The following GLI1 variants were observed in gnomAD, a reference collection of about 807,000 sequenced individuals.
The protein encoded by GLI1 is transcription activator GLI1.
A neutral mutation model predicts 87.8 loss-of-function variants in GLI1; 51 were observed. The ratio of observed to expected loss-of-function variants is 0.58; its 90% CI spans 0.46 to 0.73. The LOEUF is 0.73. Ranked by LOEUF, GLI1 falls within the 30% of genes least tolerant of loss-of-function variation. The probability of loss-of-function intolerance (pLI) is 0.00; values close to 1 mark genes in which losing one functional copy is unlikely to be tolerated. For synonymous variants in GLI1, 528 were observed against 558.2 expected (o/e 0.95, Z 0.76); for missense variants, 1,292 against 1,437.2 (o/e 0.90, Z 1.63).
intron 1 of GLI1, among the ~76,000 whole-genome samples, chr12:57,460,977 C>G (rs866758380): frequency 9.2e-5 from 14 of 152,152 alleles, no homozygotes; most frequent in African/African-American, 3.4e-4. Context: ...GACCACTGGC[C>G]ACTGCCAGCC....
intron 1 of GLI1, among the ~76,000 whole-genome samples, chr12:57,460,779 G>C (rs117789735): frequency 0.017 from 2,609 of 149,108 alleles, 78 homozygotes; most frequent in East Asian, 0.078. Context: ...GGGCTGGGGC[G>C]GGGGGGGGCT....
chr12:57,468,188 G>A lies in GLI1; in HGVS notation c.1272G>A (p.Arg424=). ...GGGAGCGGGAAGGAGGTCCCATCAG[G>A]GAGGAAAGCAGACTGACTGTGCCAG... ...PKREREGGPI[R]EESRLTVPEG... Residue 424 remains arginine, a synonymous_variant, in exon 10 of 12, where the codon AGG becomes AGA. Transcript: ENST00000228682. The A allele has an allele frequency of 6.2e-7, 1 of 1,614,136 alleles. No homozygotes were observed. Among genetic ancestry groups the A allele is most frequent in the Non-Finnish European group, 8.5e-7 (1 of 1,179,992 alleles).
chr12:57,472,245 A>G lies in GLI1; in HGVS notation c.*184A>G. ...TTGATAATGACACTGTTTCCTGATA[A>G]TAAAGGAACTGCATCAGAAAAAATA... On this transcript the variant is annotated 3_prime_UTR_variant, in exon 12 of 12. Transcript: ENST00000228682. The G allele has an allele frequency of 1.7e-6, 1 of 597,160 alleles. No individual in the cohort carries two copies. Among genetic ancestry groups the G allele is most frequent in the East Asian group, 2.9e-5 (1 of 34,286 alleles). 37.0% of individuals were successfully genotyped at this position (597,160 alleles called of 1,614,324 possible). A position where few individuals can be genotyped will look rare whatever the true frequency, so the allele number is the denominator to read the frequency against.
intron 2 of GLI1, 23 bp downstream of exon 2, chr12:57,463,814 G>A (rs1238242162): frequency 7.1e-7 from 1 of 1,402,812 alleles, no homozygotes; most frequent in South Asian, 1.2e-5. Flanking sequence ...ACCAATCCCT[G>A]GGCCTTGAGG....
At position 57,472,055 on chromosome 12, in the gene GLI1, T is replaced by G; in HGVS notation, c.3315T>G (p.Ser1105Arg). The G allele has an allele frequency of 6.7e-7, 1 of 1,489,326 alleles. No individual in the cohort carries two copies. Among genetic ancestry groups the G allele is most frequent in the Non-Finnish European group, 9.0e-7 (1 of 1,116,192 alleles). The allele number at this position is 1,489,326 out of a possible 1,614,324, so 92.3% of individuals were successfully genotyped here. ...LPGETEFLNSSA is the reference protein window; with the variant it reads ...LPGETEFLNSRA ...GGGAAACAGAATTCCTCAACTCTAG[T>G]GCCTAAAGAGTAGGGAATCTCATCC... The change falls in exon 12 of 12, where the codon AGT becomes AGG. Residue 1105 changes from serine to arginine, a missense_variant. Ser to Arg is a moderately radical substitution (Grantham distance 110). This residue lies in a region of GLI1 where 897 missense variants were observed against 1,040.7 expected (regional missense o/e 0.86). Coordinates refer to ENST00000228682, the MANE Select transcript of GLI1 (RefSeq NM_005269.3).
At chr12:57,464,166 G>A (rs1367334573) in intron 3 of GLI1, 75 bp downstream of exon 3, 1 of 986,590 alleles carries the variant, frequency 1.0e-6, no homozygotes, top group Non-Finnish European at 1.6e-6. Context: ...GGGAGGGCAG[G>A]GGATCTCACT....
In GLI1 at chr12:57,465,264, C is replaced by T. The variant is rs755469310; in HGVS notation, c.534+9C>T. 8.1e-6 allele frequency: 13 copies of T among 1,599,054 alleles called. No individual in the cohort carries two copies. Among genetic ancestry groups the T allele is most frequent in the Middle Eastern group, 4.1e-4 (2 of 4,874 alleles). ...CCTTCCCAACTTGCCAGGTGAGAGTCCCCATATTGCTACCTGATTTCCCTC... is the reference window on the plus strand; with the variant it reads ...CCTTCCCAACTTGCCAGGTGAGAGTTCCCATATTGCTACCTGATTTCCCTC... On this transcript the variant is annotated intron_variant, in intron 5 of 11. Coordinates refer to ENST00000228682, the MANE Select transcript of GLI1 (RefSeq NM_005269.3).
Position 57,470,586 on chromosome 12 carries a change from C to T in GLI1, c.1846C>T (p.Pro616Ser), listed in dbSNP as rs1871822737. Reference sequence around the variant, plus strand: ...CAGCCTGGATCGGATAGGTGGTCTTCCCATGCCTCCTTGGAGAAGCCGAGC... The same window carrying T: ...CAGCCTGGATCGGATAGGTGGTCTTTCCATGCCTCCTTGGAGAAGCCGAGC... ...ASSLDRIGGL[P>S]MPPWRSRAEY... Residue 616 changes from proline (P) to serine (S), a missense_variant, in exon 12 of 12, where the codon CCC (proline) becomes TCC (serine). By Grantham distance (74) the Pro-to-Ser change is moderately conservative. Transcript: ENST00000228682. 2 of 1,613,968 alleles carry T rather than the reference C, an allele frequency of 1.2e-6. No homozygotes were observed. Among genetic ancestry groups the T allele is most frequent in the Admixed American group, 1.7e-5 (1 of 60,000 alleles).
chr12:57,469,573 G>C lies in GLI1; in HGVS notation c.1451G>C (p.Gly484Ala). The C allele has an allele frequency of 1.9e-6, 3 of 1,614,194 alleles. No homozygotes were observed. The highest frequency in any genetic ancestry group is 1.1e-5 in the South Asian group (1 of 91,078). The change falls in exon 11 of 12, where the codon GGA (glycine) becomes GCA (alanine). Residue 484 changes from glycine to alanine, a missense_variant. Around this residue, in one of 3 missense-constraint regions of GLI1, gnomAD observed 897 missense variants for 1,040.7 expected, o/e 0.86. Transcript: ENST00000228682. ...STEDLSSLDE[G>A]PCIAGTGLST... is the part of the protein sequence containing the mutation. ...GAAGACCTCTCCAGCTTGGACGAGG[G>C]ACCTTGCATTGCTGGCACTGGTCTG...
rs1871359191 is a variant in GLI1 at position 57,464,708 on chromosome 12, T to A, written c.229T>A (p.Leu77Met). 3 of 1,614,146 alleles carry A rather than the reference T, an allele frequency of 1.9e-6. No individual in the cohort carries two copies. The highest frequency in any genetic ancestry group is 2.5e-6 in the Non-Finnish European group (3 of 1,179,996). The change falls in exon 4 of 12, where the codon TTG (leucine) becomes ATG (methionine). Residue 77 changes from leucine (L) to methionine (M), a missense_variant. Coordinates refer to ENST00000228682, the MANE Select transcript of GLI1 (RefSeq NM_005269.3). ...LFSSPRSAVK[L>M]TKKRALSISP... is the part of the protein sequence containing the mutation. ...TTCTTCTCCCCGGAGTGCAGTCAAG[T>A]TGACCAAGAAGCGGGCACTGTCCAT...
At position 57,470,876 on chromosome 12, in the gene GLI1, C is replaced by T. The variant is rs148497133; in HGVS notation, c.2136C>T (p.Ser712=). 2,447 of 1,611,336 alleles carry T rather than the reference C, an allele frequency of 1.5e-3. 37 individuals are homozygous for T. The African/African-American group carries it at 0.029, about 19-fold the overall frequency. Reference sequence around the variant, plus strand: ...AGGAAGAGCCAGAAGTTGGGACCTCCATGGTGGGCAGTGGTCTGAACCCCT... The same window carrying T: ...AGGAAGAGCCAGAAGTTGGGACCTCTATGGTGGGCAGTGGTCTGAACCCCT... The part of the protein sequence containing the change: ...GLQEEPEVGT[S]MVGSGLNPYM... Residue 712 remains serine (S), a synonymous_variant, in exon 12 of 12, where the codon TCC becomes TCT. Coordinates refer to ENST00000228682, the MANE Select transcript of GLI1 (RefSeq NM_005269.3).
Position 57,470,480 on chromosome 12 carries a change from C to A in GLI1, c.1740C>A (p.Gly580=), listed in dbSNP as rs1871810794. The part of the protein sequence containing the change: ...PPENGASSLP[G]LMPAQHYLLR... ...AGAATGGAGCATCCTCCCTGCCTGG[C>A]CTTATGCCTGCCCAGCACTACCTGC... Residue 580 remains glycine (G), a synonymous_variant, in exon 12 of 12, where the codon GGC becomes GGA. Coordinates refer to ENST00000228682, the MANE Select transcript of GLI1 (RefSeq NM_005269.3). The A allele has an allele frequency of 6.2e-7, 1 of 1,614,118 alleles. No homozygotes were observed. Among genetic ancestry groups the A allele is most frequent in the Non-Finnish European group, 8.5e-7 (1 of 1,179,976 alleles).
Position 57,471,107 on chromosome 12 carries a change from G to A in GLI1, c.2367G>A (p.Leu789=), listed in dbSNP as rs1285655914. Reference sequence around the variant, plus strand: ...GTGAGTTCCCTTCCCACTCTGGGCTGTACCCAGGCCCCAAGGCTCTAGGTG... The same window carrying A: ...GTGAGTTCCCTTCCCACTCTGGGCTATACCCAGGCCCCAAGGCTCTAGGTG... The part of the protein sequence containing the change: ...TWGEFPSHSG[L]YPGPKALGGT... The change falls in exon 12 of 12, where the codon CTG becomes CTA. Residue 789 remains leucine, a synonymous_variant. Coordinates refer to ENST00000228682, the MANE Select transcript of GLI1 (RefSeq NM_005269.3). This position sits in a 1 kb window ranked among gnomAD's most constrained non-coding sequence, Gnocchi z 4.9. The A allele has an allele frequency of 1.9e-6, 3 of 1,613,332 alleles. No individual in the cohort carries two copies. Among genetic ancestry groups the A allele is most frequent in the South Asian group, 2.2e-5 (2 of 90,994 alleles).
rs771305150 is a variant in GLI1, at chr12:57,472,110, T to C, written c.*49T>C. 23 of 1,332,328 alleles carry C rather than the reference T, an allele frequency of 1.7e-5. No homozygotes were observed. In the East Asian group the frequency reaches 5.5e-4, roughly 32 times the overall value. The allele number at this position is 1,332,328 out of a possible 1,614,324, so 82.5% of individuals were successfully genotyped here. ...CAGATCGCATTTCCTAAGGGGTTTCTATCCTTCCAGAAAAATTGGGGGAGC... is the reference window on the plus strand; with the variant it reads ...CAGATCGCATTTCCTAAGGGGTTTCCATCCTTCCAGAAAAATTGGGGGAGC... On this transcript the variant is annotated 3_prime_UTR_variant, in exon 12 of 12. Transcript: ENST00000228682.
At chr12:57,465,418 C>A in intron 5 of GLI1, 163 bp downstream of exon 5, 1 of 749,828 alleles carries the variant, frequency 1.3e-6, no homozygotes, top group Non-Finnish European at 2.2e-6. Context: ...TTGAGTCAGA[C>A]GCTTCCAAAT....
chr12:57,467,902 CT>C (rs1157937437), intron 9 of GLI1, 91 bp from the exon 10 acceptor site: 2 of 848,078 alleles, frequency 2.4e-6, no homozygotes, highest in Middle Eastern at 2.2e-4. Context: ...TGCTCCTCCC[CT>C]GCCCCCTGTG....
In GLI1 at chr12:57,466,226, A is replaced by G. The variant is rs748474703; in HGVS notation, c.763-14A>G. On this transcript the variant is annotated splice_polypyrimidine_tract_variant and intron_variant, in intron 7 of 11. Transcript: ENST00000228682. The stretch of plus-strand genomic sequence containing the variant: ...TGGGAGAGCCTTGGAGAGCCTTTGT[A>G]TCTTCTCCCTCAGCACATCAACAGC... 8 of 1,608,718 alleles carry G rather than the reference A, an allele frequency of 5.0e-6. No individual in the cohort carries two copies. The highest frequency in any genetic ancestry group is 6.8e-6 in the Non-Finnish European group (8 of 1,176,588).
chr12:57,465,289 C>CA, intron 5 of GLI1, 34 bp downstream of exon 5: 1 of 1,573,878 alleles, frequency 6.4e-7, no homozygotes. Context: ...TGATTTCCCT[C>CA]AGCTCAGGGT....
At chr12:57,460,604 G>A (rs1000688526) in intron 1 of GLI1, 2 of 152,664 alleles carry the variant, frequency 1.3e-5, no homozygotes, top group Non-Finnish European at 2.9e-5. Flanking sequence ...TCTGAAAGGT[G>A]GGGACTGCAA....
Sources: allele counts gnomAD v4.1 joint callset (sites outside exome capture counted in the v4.1 genomes callset), GRCh38; gene constraint gnomAD v4.1.1; regional missense constraint gnomAD v4.1.1; non-coding constraint Gnocchi (gnomAD v3.1); transcripts MANE v1.5; gene names NCBI Gene and HGNC (gene_info 2026-07-23, HGNC 2026-07-21).